Variants in MICU1 observed in about 807,000 individuals in gnomAD.
MICU1 encodes the protein calcium uptake protein 1, mitochondrial.
MICU1 carries 45 observed loss-of-function variants against 56.8 expected under a neutral mutation model. The ratio of observed to expected loss-of-function variants is 0.79; its 90% CI spans 0.62 to 1.02. The LOEUF (loss-of-function observed/expected upper bound fraction) is 1.02, where lower values mean the gene tolerates loss of function less well. MICU1 is among the 50% of genes least tolerant of loss of function. MICU1 has a pLI of 0.00. For missense variants in MICU1, 504 were observed against 587.1 expected, an observed-to-expected ratio of 0.86 and a Z score of 1.46; for synonymous variants, 186 against 195.1, an observed-to-expected ratio of 0.95 and a Z score of 0.39.
intron 8 of MICU1, among the ~76,000 whole-genome samples, chr10:72,454,100 C>T (rs533270047): frequency 1.3e-5 from 2 of 151,712 alleles, no homozygotes; most frequent in Admixed American, 1.3e-4. Flanking sequence ...CCAAAGTGCT[C>T]GGATTACAGG....
chr10:72,478,723 G>C (rs1866197377), intron 6 of MICU1, among the ~76,000 whole-genome samples: 1 of 152,200 alleles, frequency 6.6e-6, no homozygotes, highest in Admixed American at 6.5e-5. Context: ...GAAACTCCTG[G>C]TTTTTAGTTG....
chr10:72,574,784 A>C (rs536233208), intron 1 of MICU1, among the ~76,000 whole-genome samples: 1 of 152,162 alleles, frequency 6.6e-6, no homozygotes, highest in Non-Finnish European at 1.5e-5. Context: ...CTTTATTAGG[A>C]AACAGGCAGA....
rs533174909 is a variant in MICU1 at position 72,560,758 on chromosome 10, T to C, written c.330+2137A>G. 1.2e-3 allele frequency among the ~76,000 whole-genome samples: 185 copies of C among 152,200 alleles called. 1 individual carries two copies. The highest frequency in any genetic ancestry group is 3.4e-3 in the Middle Eastern group (1 of 294). Reference sequence around the variant, plus strand: ...GGTGGCAGGCATCTGTAATTCCAGCTACTCAGGAGGCTGAGGCATGAGAAT... The same window carrying C: ...GGTGGCAGGCATCTGTAATTCCAGCCACTCAGGAGGCTGAGGCATGAGAAT... On this transcript the variant is annotated intron_variant, in intron 3 of 11. Coordinates refer to ENST00000361114, the MANE Select transcript of MICU1 (RefSeq NM_001195518.2).
chr10:72,371,386 C>G (rs898356156), intron 11 of MICU1, among the ~76,000 whole-genome samples: 1 of 91,208 alleles, frequency 1.1e-5, no homozygotes, highest in South Asian at 3.6e-4. Flanking sequence ...GACTCCGTCT[C>G]AAAAAAAAAA....
At chr10:72,599,295 C>T (rs535386297) in intron 1 of MICU1, among the ~76,000 whole-genome samples, 42 of 152,180 alleles carry the variant, frequency 2.8e-4, no homozygotes, top group Middle Eastern at 3.4e-3. Context: ...TTATTAAATG[C>T]AGAATTTAAA....
intron 6 of MICU1, among the ~76,000 whole-genome samples, chr10:72,502,564 T>A (rs1301266332): frequency 6.6e-6 from 1 of 152,208 alleles, no homozygotes; most frequent in African/African-American, 2.4e-5. Flanking sequence ...GGCCCTGCTA[T>A]CCATCAGAGT....
At chr10:72,582,272 C>T (rs755081491) in intron 1 of MICU1, among the ~76,000 whole-genome samples, 1 of 152,172 alleles carries the variant, frequency 6.6e-6, no homozygotes, top group Non-Finnish European at 1.5e-5. Flanking sequence ...TAGTCTCATT[C>T]ATTTAAGCAA....
chr10:72,435,385 C>CAAA (rs34955776), intron 8 of MICU1, among the ~76,000 whole-genome samples: 6 of 48,040 alleles, frequency 1.2e-4, no homozygotes, highest in Non-Finnish European at 2.5e-4. Context: ...GACCCTGTTA[C>CAAA]AAAAAAAAAA....
intron 8 of MICU1, among the ~76,000 whole-genome samples, chr10:72,448,464 G>T (rs1357132754): frequency 6.6e-6 from 1 of 151,114 alleles, no homozygotes; most frequent in African/African-American, 2.4e-5. Flanking sequence ...GTGAGCCACC[G>T]CACCTGGCCA....
At chr10:72,506,708 C>T (rs1867263692) in intron 6 of MICU1, among the ~76,000 whole-genome samples, 1 of 152,162 alleles carries the variant, frequency 6.6e-6, no homozygotes, top group African/African-American at 2.4e-5. Context: ...TTTGATATTA[C>T]TGCCCCCTTC....
chr10:72,432,549 C>T (rs1482766175), intron 8 of MICU1, among the ~76,000 whole-genome samples: 1 of 152,126 alleles, frequency 6.6e-6, no homozygotes, highest in Non-Finnish European at 1.5e-5. Flanking sequence ...AGGATGGTGC[C>T]AGCCTCTGCT....
intron 6 of MICU1, among the ~76,000 whole-genome samples, chr10:72,489,325 A>AC (rs1564898377): frequency 3.0e-4 from 36 of 121,220 alleles, no homozygotes; most frequent in East Asian, 1.3e-3. Context: ...CACACACACA[A>AC]AAATAAAAAA....
intron 1 of MICU1, among the ~76,000 whole-genome samples, chr10:72,573,318 A>AC (rs1840658901): frequency 6.7e-6 from 1 of 149,042 alleles, no homozygotes; most frequent in African/African-American, 2.4e-5. Context: ...AAAAAAAAAA[A>AC]AAAAAAAAAA....
chr10:72,576,709 C>T (rs1382914775), intron 1 of MICU1, among the ~76,000 whole-genome samples: 4 of 152,180 alleles, frequency 2.6e-5, no homozygotes, highest in African/African-American at 7.2e-5. Flanking sequence ...ACAAAACAGC[C>T]TTACTAGGAA....
At chr10:72,589,943 C>A (rs1841174518) in intron 1 of MICU1, among the ~76,000 whole-genome samples, 1 of 151,958 alleles carries the variant, frequency 6.6e-6, no homozygotes. Context: ...GGGTTTCAGG[C>A]TGCAATACAC....
At chr10:72,520,510 C>T (rs59382184) in intron 5 of MICU1, among the ~76,000 whole-genome samples, 4 of 152,144 alleles carry the variant, frequency 2.6e-5, no homozygotes, top group Admixed American at 6.5e-5. Flanking sequence ...GGTAATATCG[C>T]ATTTGAGGCA....
intron 1 of MICU1, among the ~76,000 whole-genome samples, chr10:72,584,884 A>AC (rs1219975106): frequency 6.6e-6 from 1 of 152,146 alleles, no homozygotes; most frequent in African/African-American, 2.4e-5. Context: ...TTAAAAAACT[A>AC]CAGGATGAAA....
chr10:72,603,992 CAT>C (rs1209799579), intron 1 of MICU1, among the ~76,000 whole-genome samples: 3 of 152,062 alleles, frequency 2.0e-5, no homozygotes, highest in African/African-American at 7.2e-5. Flanking sequence ...GAGTTGATGA[CAT>C]GTTATAGTCT....
rs71018289 is a variant in MICU1, at chr10:72,448,193, A to ATTTTTTTT, written c.934-24830_934-24823dup. 1.9e-4 allele frequency among the ~76,000 whole-genome samples: 7 copies of ATTTTTTTT among 36,834 alleles called. 1 individual carries two copies. Among genetic ancestry groups the ATTTTTTTT allele is most frequent in the South Asian group, 3.4e-3 (2 of 584 alleles). The allele number at this position is 36,834 out of a possible 152,430, so 24.2% of individuals were successfully genotyped here. ...TGTGTGTATATATATATATATATAT[A>ATTTTTTTT]TTTTTTTTTTTTTTTTTTTTTTTTG... On this transcript the variant is annotated intron_variant, in intron 8 of 11. Transcript: ENST00000361114.
Sources: gnomAD v4.1 joint callset for allele counts (sites outside exome capture counted in the v4.1 genomes callset) on GRCh38, gnomAD v4.1.1 for gene constraint, MANE v1.5 for transcripts, NCBI Gene and HGNC (gene_info 2026-07-23, HGNC 2026-07-21) for gene names.